PRKCZ: variants seen among roughly 807,000 people sequenced by gnomAD.
PRKCZ encodes the protein protein kinase C zeta.
Under a neutral mutation model 79.5 loss-of-function variants are expected in PRKCZ, and 33 were observed. That is an observed-to-expected ratio of 0.41 (90% CI 0.31 to 0.55). The LOEUF (loss-of-function observed/expected upper bound fraction) is 0.55, where lower values mean the gene tolerates loss of function less well. PRKCZ is among the 20% of genes least tolerant of loss of function. The probability of loss-of-function intolerance (pLI) is 0.19; values close to 1 mark genes in which losing one functional copy is unlikely to be tolerated. For synonymous variants in PRKCZ, 342 were observed against 320.9 expected, an observed-to-expected ratio of 1.07 and a Z score of -0.70; for missense variants, 578 against 813.5, an observed-to-expected ratio of 0.71 and a Z score of 3.52.
At chr1:2,120,876 C>T (rs1171057095) in intron 4 of PRKCZ, among the ~76,000 whole-genome samples, 9 of 145,508 alleles carry the variant, frequency 6.2e-5, no homozygotes, top group East Asian at 6.0e-4. Flanking sequence ...GGCAATGGCA[C>T]GCTCTCGGCT....
chr1:2,184,941 G>A lies in PRKCZ; in HGVS notation c.1711G>A (p.Asp571Asn), dbSNP rs138081046. 25 of 1,613,744 alleles carry A rather than the reference G, an allele frequency of 1.5e-5. No homozygotes were observed. The highest frequency in any genetic ancestry group is 4.0e-5 in the African/African-American group (3 of 74,932). ...PDDEDAIKRI[D>N]QSEFEGFEYI... ...CCACAGGGATGCCATAAAGAGGATCGACCAGTCAGAGTTCGAAGGCTTTGA... is the reference window on the plus strand; with the variant it reads ...CCACAGGGATGCCATAAAGAGGATCAACCAGTCAGAGTTCGAAGGCTTTGA... Residue 571 changes from aspartate (D) to asparagine (N), a missense_variant, in exon 18 of 18, where the codon GAC becomes AAC. By Grantham distance (23) the Asp-to-Asn change is conservative. Around this residue, in one of 4 missense-constraint regions of PRKCZ, gnomAD observed 243 missense variants for 467.0 expected, o/e 0.52. Coordinates refer to ENST00000378567, the MANE Select transcript of PRKCZ (RefSeq NM_002744.6).
In PRKCZ at chr1:2,078,396, G is replaced by A. The variant is rs568810377; in HGVS notation, c.334+18805G>A. On this transcript the variant is annotated intron_variant, in intron 4 of 17. Transcript: ENST00000378567. ...TTTCCCTCTGCATTTCGAAGGGATC[G>A]CTCTACTGTCTTCTGGCTTCTTGTG... Among the ~76,000 whole-genome samples, 7 of 152,304 alleles carry A rather than the reference G, an allele frequency of 4.6e-5. 1 individual carries two copies. The highest frequency in any genetic ancestry group is 1.9e-4 in the East Asian group (1 of 5,190).
intron 4 of PRKCZ, among the ~76,000 whole-genome samples, chr1:2,101,631 G>A (rs577181507): frequency 6.1e-4 from 93 of 152,308 alleles, no homozygotes; most frequent in African/African-American, 1.9e-3. Context: ...AAGTGCCCTG[G>A]GCTTCAGTTC....
chr1:2,066,817 A>C (rs1366377007), intron 4 of PRKCZ, among the ~76,000 whole-genome samples: 1 of 152,156 alleles, frequency 6.6e-6, no homozygotes, highest in Non-Finnish European at 1.5e-5. Context: ...GTGTTTTGGG[A>C]GGCTGAAGAG....
In PRKCZ at chr1:2,128,526, G is replaced by T. The variant is rs1308976544; in HGVS notation, c.335-6736G>T. ...TGAGCTCCTTAGAATTCCTGTGGCC[G>T]TCCTAATTATAGAATCTCAAAGACA... is the stretch of plus-strand genomic sequence containing the variant. On this transcript the variant is annotated intron_variant, in intron 4 of 17. Transcript: ENST00000378567. This position sits in a 1 kb window ranked among gnomAD's most constrained non-coding sequence, Gnocchi z 6.5. Among the ~76,000 whole-genome samples the T allele has an allele frequency of 6.6e-6, 1 of 152,246 alleles. No homozygotes were observed. Among genetic ancestry groups the T allele is most frequent in the Non-Finnish European group, 1.5e-5 (1 of 68,050 alleles).
chr1:2,149,603 C>T lies in PRKCZ; in HGVS notation c.687+679C>T, dbSNP rs918667394. On this transcript the variant is annotated intron_variant, in intron 8 of 17. Transcript: ENST00000378567. This position sits in a 1 kb window ranked among gnomAD's most constrained non-coding sequence, Gnocchi z 4.1. ...AGGCTGAGCACGGCGACTCACACCT[C>T]CAATCCCAGCATTTTGGGAGGCTGC... is the stretch of plus-strand genomic sequence containing the variant. Among the ~76,000 whole-genome samples the T allele has an allele frequency of 2.0e-5, 3 of 152,220 alleles. No individual in the cohort carries two copies. The highest frequency in any genetic ancestry group is 4.4e-5 in the Non-Finnish European group (3 of 68,038).
chr1:2,073,833 G>C (rs1661880338), intron 4 of PRKCZ: 1 of 1,046,232 alleles, frequency 9.6e-7, no homozygotes, highest in Non-Finnish European at 1.2e-6. Context: ...AGCCGACGCA[G>C]CATCAGCTCG....
rs1255928466 is a variant in PRKCZ at position 2,177,668 on chromosome 1, A to G, written c.1575+2355A>G. Among the ~76,000 whole-genome samples the G allele has an allele frequency of 6.6e-6, 1 of 152,138 alleles. No homozygotes were observed. The highest frequency in any genetic ancestry group is 2.4e-5 in the African/African-American group (1 of 41,412). ...AGAGGTCTGCGTCCCTGCAGCGAGC[A>G]CGCCAGGTGATCTCTGGCACACACT... On this transcript the variant is annotated intron_variant, in intron 16 of 17. Transcript: ENST00000378567. The surrounding 1 kb of genome is among the most constrained non-coding windows in gnomAD (Gnocchi z 6.4).
At position 2,174,535 on chromosome 1, in the gene PRKCZ, ACGTCCGATC is replaced by A. The variant is rs1370048186; in HGVS notation, c.1406-217_1406-209del. Reference sequence around the variant, plus strand: ...GCTGAGGAAGGGGAGCTGCTGGTTCACGTCCGATCCTACGACACGTGCCAGCGCATGTAA... The same window carrying A: ...GCTGAGGAAGGGGAGCTGCTGGTTCACTACGACACGTGCCAGCGCATGTAA... On this transcript the variant is annotated intron_variant, in intron 14 of 17. Coordinates refer to ENST00000378567, the MANE Select transcript of PRKCZ (RefSeq NM_002744.6). The surrounding 1 kb of genome is among the most constrained non-coding windows in gnomAD (Gnocchi z 6.2). 6.6e-6 allele frequency among the ~76,000 whole-genome samples: 1 copy of A among 152,218 alleles called. No homozygotes were observed. The highest frequency in any genetic ancestry group is 1.5e-5 in the Non-Finnish European group (1 of 68,034).
chr1:2,085,615 G>A (rs112038553), intron 4 of PRKCZ, among the ~76,000 whole-genome samples: 4,666 of 148,592 alleles, frequency 0.031, 301 homozygotes, highest in African/African-American at 0.11. Flanking sequence ...CTCAGAGCCC[G>A]TGAGGCACCG....
At chr1:2,142,125 G>A (rs1571769001) in intron 5 of PRKCZ, 1 of 130,496 alleles carries the variant, frequency 7.7e-6, no homozygotes, top group Non-Finnish European at 1.4e-5. Flanking sequence ...CAGCCGAAGC[G>A]CCTCCTTTCT....
rs973807505 is a variant in PRKCZ, at chr1:2,178,724, A to G, written c.1575+3411A>G. ...TTAGTTCCATGGCTGTAGTGGGCACAGCTTGAGAACAGTCCCTCGGTGGGT... is the reference window on the plus strand; with the variant it reads ...TTAGTTCCATGGCTGTAGTGGGCACGGCTTGAGAACAGTCCCTCGGTGGGT... On this transcript the variant is annotated intron_variant, in intron 16 of 17. Transcript: ENST00000378567. This position sits in a 1 kb window ranked among gnomAD's most constrained non-coding sequence, Gnocchi z 4.3. 1.3e-4 allele frequency among the ~76,000 whole-genome samples: 20 copies of G among 152,128 alleles called. 1 individual carries two copies. The highest frequency in any genetic ancestry group is 4.8e-4 in the African/African-American group (20 of 41,420).
At chr1:2,078,645 T>G (rs1662884622) in intron 4 of PRKCZ, among the ~76,000 whole-genome samples, 1 of 152,200 alleles carries the variant, frequency 6.6e-6, no homozygotes, top group Admixed American at 6.5e-5. Context: ...CGTCTCTGAC[T>G]CTCTTTTAGA....
At chr1:2,055,948 G>A (rs907562584) in intron 2 of PRKCZ, 1 of 199,234 alleles carries the variant, frequency 5.0e-6, no homozygotes, top group Admixed American at 5.3e-5. Context: ...GCCAGGGCCT[G>A]CCGTGTCCAC....
At chr1:2,104,603 GC>G in intron 4 of PRKCZ, 1 of 852,922 alleles carries the variant, frequency 1.2e-6, no homozygotes. Context: ...GCAGGGGATG[GC>G]CGCGATGAGG....
intron 10 of PRKCZ, among the ~76,000 whole-genome samples, chr1:2,158,885 G>T (rs1206104645): frequency 6.6e-6 from 1 of 152,000 alleles, no homozygotes; most frequent in Admixed American, 6.6e-5. Context: ...GGAGCATTCG[G>T]CATTCACAGT....
rs558468979 is a variant in PRKCZ, at chr1:2,128,286, G to C, written c.335-6976G>C. On this transcript the variant is annotated intron_variant, in intron 4 of 17. Transcript: ENST00000378567. The surrounding 1 kb of genome is among the most constrained non-coding windows in gnomAD (Gnocchi z 6.5). ...GGGCCGTCCTGTGGCACTGCTTTGGGCTGTGCTGGTCACCCTGTGTAGCGG... is the reference window on the plus strand; with the variant it reads ...GGGCCGTCCTGTGGCACTGCTTTGGCCTGTGCTGGTCACCCTGTGTAGCGG... Among the ~76,000 whole-genome samples, 1 of 152,344 alleles carries C rather than the reference G, an allele frequency of 6.6e-6. No individual in the cohort carries two copies. The highest frequency in any genetic ancestry group is 2.1e-4 in the South Asian group (1 of 4,828).
At position 2,124,954 on chromosome 1, in the gene PRKCZ, C is replaced by T. The variant is rs559368969; in HGVS notation, c.335-10308C>T. The stretch of plus-strand genomic sequence containing the variant: ...CTCGCGTGGCGTCCCTGGCCACATC[C>T]TCAGCGCTGTGTCCCCTCGCAGCTC... On this transcript the variant is annotated intron_variant, in intron 4 of 17. Coordinates refer to ENST00000378567, the MANE Select transcript of PRKCZ (RefSeq NM_002744.6). Among the ~76,000 whole-genome samples, 7 of 152,338 alleles carry T rather than the reference C, an allele frequency of 4.6e-5. No homozygotes were observed. The South Asian group carries it at 1.4e-3, about 32-fold the overall frequency.
intron 4 of PRKCZ, among the ~76,000 whole-genome samples, chr1:2,076,748 A>G (rs1662496113): frequency 6.6e-6 from 1 of 152,104 alleles, no homozygotes; most frequent in Admixed American, 6.6e-5. Flanking sequence ...TCTTGAAAAA[A>G]AAAAAAAAAG....
Sources: allele counts gnomAD v4.1 joint callset (sites outside exome capture counted in the v4.1 genomes callset), GRCh38; gene constraint gnomAD v4.1.1; regional missense constraint gnomAD v4.1.1; non-coding constraint Gnocchi (gnomAD v3.1); transcripts MANE v1.5; gene names NCBI Gene and HGNC (gene_info 2026-07-23, HGNC 2026-07-21).